Variants in TENM2 observed in about 807,000 individuals in gnomAD.
TENM2 encodes the protein teneurin-2.
TENM2 carries 52 observed loss-of-function variants against 245.2 expected under a neutral mutation model. That is an observed-to-expected ratio of 0.21 (90% confidence interval 0.17 to 0.27). The LOEUF (loss-of-function observed/expected upper bound fraction) is 0.27. TENM2 is among the 10% of genes least tolerant of loss of function. The pLI is 1.00. For synonymous variants in TENM2, 1,363 were observed against 1,438.9 expected (o/e 0.95, Z 1.19); for missense variants, 3,046 against 3,666.8 (o/e 0.83, Z 4.37).
At chr5:168,238,027 C>T (rs1001319975) in intron 25 of TENM2, among the ~76,000 whole-genome samples, 6 of 150,938 alleles carry the variant, frequency 4.0e-5, no homozygotes, top group Non-Finnish European at 8.8e-5. Context: ...CGCCTGTAGT[C>T]GCAGCTACTC....
chr5:167,470,606 T>G (rs527502048), intron 2 of TENM2, among the ~76,000 whole-genome samples: 7 of 151,966 alleles, frequency 4.6e-5, no homozygotes, highest in Non-Finnish European at 8.8e-5. Flanking sequence ...ATAATAATAT[T>G]TTCTCACTAA....
At chr5:167,241,742 C>T in the TENM2 span, among the ~76,000 whole-genome samples, 19 of 152,082 alleles carry the variant, frequency 1.2e-4, no homozygotes, top group African/African-American at 4.6e-4. Context: ...TTTAGTGGAG[C>T]GATGGGAACA....
At chr5:168,186,662 A>C (rs1179642931) in intron 13 of TENM2, 1 of 152,146 alleles carries the variant, frequency 6.6e-6, no homozygotes, top group Non-Finnish European at 1.5e-5. Flanking sequence ...GAAAAAGCCA[A>C]CCAGACTAAC....
At chr5:167,800,689 C>G (rs1334342284) in intron 2 of TENM2, among the ~76,000 whole-genome samples, 1 of 152,154 alleles carries the variant, frequency 6.6e-6, no homozygotes, top group Non-Finnish European at 1.5e-5. Context: ...CTGGCAGCCC[C>G]GTGGGCTTTG....
chr5:167,744,577 C>T (rs72830099), intron 2 of TENM2, among the ~76,000 whole-genome samples: 5,063 of 152,218 alleles, frequency 0.033, 111 homozygotes, highest in South Asian at 0.054. Context: ...TTGCTTCTCT[C>T]CTGGAGAAGT....
intron 5 of TENM2, among the ~76,000 whole-genome samples, chr5:168,031,761 G>C (rs1267837675): frequency 1.9e-4 from 27 of 145,670 alleles, no homozygotes; most frequent in African/African-American, 6.3e-4. Context: ...GGGAGGAAAG[G>C]AGGAAGGGAA....
At chr5:167,874,370 C>T (rs2151376389) in intron 2 of TENM2, among the ~76,000 whole-genome samples, 1 of 152,236 alleles carries the variant, frequency 6.6e-6, no homozygotes, top group Admixed American at 6.5e-5. Flanking sequence ...ATTAAATTCA[C>T]TGAATAATGA....
chr5:167,023,879 CT>C, the TENM2 span, among the ~76,000 whole-genome samples: 18 of 152,262 alleles, frequency 1.2e-4, 1 homozygote, highest in Admixed American at 1.0e-3. Flanking sequence ...AGTATCTGCA[CT>C]GATTTGTTTT....
chr5:167,823,657 G>A (rs1767724649), intron 2 of TENM2, among the ~76,000 whole-genome samples: 1 of 152,184 alleles, frequency 6.6e-6, no homozygotes, highest in South Asian at 2.1e-4. Context: ...ATGCTTCAGA[G>A]AGAAATGTCA....
At chr5:167,999,782 C>T (rs1162948328) in intron 5 of TENM2, among the ~76,000 whole-genome samples, 2 of 152,172 alleles carry the variant, frequency 1.3e-5, no homozygotes, top group Non-Finnish European at 2.9e-5. Flanking sequence ...GCTTTCTCAC[C>T]CTTGTGGGCA....
intron 13 of TENM2, among the ~76,000 whole-genome samples, chr5:168,172,431 C>T (rs1317226409): frequency 6.6e-6 from 1 of 152,150 alleles, no homozygotes; most frequent in East Asian, 1.9e-4. Context: ...TCATGACAAT[C>T]CCCACAAGAG....
At chr5:167,436,005 T>C (rs2127451376) in intron 2 of TENM2, among the ~76,000 whole-genome samples, 1 of 143,888 alleles carries the variant, frequency 6.9e-6, no homozygotes, top group Admixed American at 7.1e-5. Flanking sequence ...TGAGACAGAG[T>C]TTTGCTGTGT....
intron 2 of TENM2, among the ~76,000 whole-genome samples, chr5:167,378,858 A>G (rs1164735420): frequency 3.1e-5 from 4 of 131,098 alleles, no homozygotes; most frequent in Non-Finnish European, 6.3e-5. Context: ...GGGACTTAAA[A>G]ATTTCCTTTT....
At chr5:168,230,979 G>A (rs865918393) in intron 25 of TENM2, 3 of 152,216 alleles carry the variant, frequency 2.0e-5, no homozygotes, top group African/African-American at 4.8e-5. Flanking sequence ...TGCATCGGGC[G>A]GCTCTTCTTA....
chr5:167,847,081 CAAGTG>C (rs1169495783), intron 2 of TENM2, among the ~76,000 whole-genome samples: 2 of 152,304 alleles, frequency 1.3e-5, no homozygotes, highest in Admixed American at 6.5e-5. Flanking sequence ...CTCAGCTTCC[CAAGTG>C]GCTACGAGTA....
At chr5:168,240,720 G>GA (rs3832364) in intron 25 of TENM2, among the ~76,000 whole-genome samples, 41,048 of 149,804 alleles carry the variant, frequency 0.27, 6,611 homozygotes, top group Non-Finnish European at 0.36. Flanking sequence ...TGAGCAAAAA[G>GA]AAAAAAAAAT....
the TENM2 span, among the ~76,000 whole-genome samples, chr5:167,159,373 TAGAC>T: frequency 9.9e-5 from 15 of 152,178 alleles, no homozygotes; most frequent in Admixed American, 8.5e-4. Flanking sequence ...AAGGCAAAGT[TAGAC>T]AGGAGGAATA....
chr5:167,477,241 T>A (rs1422245053), intron 2 of TENM2, among the ~76,000 whole-genome samples: 1 of 147,392 alleles, frequency 6.8e-6, no homozygotes, highest in Non-Finnish European at 1.5e-5. Flanking sequence ...CTAGAATTTT[T>A]TTTTTCTGTG....
chr5:167,929,588 C>T (rs1377838511), intron 3 of TENM2, among the ~76,000 whole-genome samples: 2 of 152,104 alleles, frequency 1.3e-5, no homozygotes, highest in Non-Finnish European at 1.5e-5. Context: ...CACAATCAGG[C>T]TCAGGCATAC....
Sources: allele counts gnomAD v4.1 joint callset (sites outside exome capture counted in the v4.1 genomes callset), GRCh38; gene constraint gnomAD v4.1.1; transcripts MANE v1.5; gene names NCBI Gene and HGNC (gene_info 2026-07-23, HGNC 2026-07-21).